The following BICD1 variants were observed in gnomAD, a reference collection of about 807,000 sequenced individuals.
BICD1 encodes BICD cargo adaptor 1, also known as protein bicaudal D homolog 1.
In BICD1, 35 loss-of-function variants were observed where a neutral mutation model predicts 92.5. The ratio of observed to expected loss-of-function variants is 0.38; its 90% confidence interval spans 0.29 to 0.50. The LOEUF (loss-of-function observed/expected upper bound fraction) is 0.50, where lower values mean the gene tolerates loss of function less well. Ranked by LOEUF, BICD1 falls within the 20% of genes least tolerant of loss-of-function variation. BICD1 has a pLI of 0.93. For synonymous variants in BICD1, 429 were observed against 465.1 expected (o/e 0.92, Z 1.00); for missense variants, 950 against 1,189.8 (o/e 0.80, Z 2.97).
chr12:32,140,566 C>T (rs1281599018), intron 1 of BICD1, among the ~76,000 whole-genome samples: 1 of 152,156 alleles, frequency 6.6e-6, no homozygotes, highest in Non-Finnish European at 1.5e-5. Flanking sequence ...AATGCAACCC[C>T]GCCTCCCGGG....
intron 8 of BICD1, among the ~76,000 whole-genome samples, chr12:32,355,589 G>T (rs1447304000): frequency 6.6e-6 from 1 of 152,052 alleles, no homozygotes; most frequent in Non-Finnish European, 1.5e-5. Flanking sequence ...ATTGCTTGAG[G>T]TCAGGAGTAT....
chr12:32,132,378 T>C (rs1942577333), intron 1 of BICD1, among the ~76,000 whole-genome samples: 2 of 146,416 alleles, frequency 1.4e-5, no homozygotes, highest in Admixed American at 7.0e-5. Context: ...ATTGTGCCAC[T>C]GCACTGCAGC....
Position 32,123,863 on chromosome 12 carries a change from CAA to C in BICD1, c.213+16320_213+16321del, listed in dbSNP as rs542990683. ...CTGCACTCCATCCTGGGCGACAGAG[CAA>C]GACTCCGTCTGAAAAGAAAAAAAAA... On this transcript the variant is annotated intron_variant, in intron 1 of 9. Transcript: ENST00000652176. 6.7e-5 allele frequency among the ~76,000 whole-genome samples: 10 copies of C among 149,320 alleles called. No individual in the cohort carries two copies. In the East Asian group the frequency reaches 2.0e-3, roughly 29 times the overall value.
intron 1 of BICD1, among the ~76,000 whole-genome samples, chr12:32,146,868 C>T (rs977364959): frequency 7.2e-6 from 1 of 138,246 alleles, no homozygotes; most frequent in East Asian, 2.3e-4. Context: ...CCTTCTCCTT[C>T]CTCTTCTTCT....
Position 32,321,127 on chromosome 12 carries a change from A to T in BICD1, c.1006-6334A>T, listed in dbSNP as rs1463748764. Among the ~76,000 whole-genome samples the T allele has an allele frequency of 2.0e-5, 3 of 152,108 alleles. No individual in the cohort carries two copies. In the East Asian group the frequency reaches 5.8e-4, roughly 29 times the overall value. On this transcript the variant is annotated intron_variant, in intron 4 of 9. Transcript: ENST00000652176. ...GATCACCTGAGGTCAGGGGTTTGAG[A>T]TGAGCCTGGTCAACATGGTGAAACC...
At chr12:32,339,869 C>G (rs1156433323) in intron 8 of BICD1, 1 of 957,536 alleles carries the variant, frequency 1.0e-6, no homozygotes, top group African/African-American at 1.8e-5. Context: ...ATCAGTATTT[C>G]TGGCCTCTTT....
intron 1 of BICD1, among the ~76,000 whole-genome samples, chr12:32,135,088 C>T (rs1398088139): frequency 5.0e-5 from 3 of 59,578 alleles, no homozygotes; most frequent in Non-Finnish European, 7.2e-5. Context: ...CGCTCCCCTC[C>T]TTTATTTTTT....
intron 1 of BICD1, chr12:32,107,775 C>T: frequency 1.4e-6 from 1 of 706,378 alleles, no homozygotes; most frequent in South Asian, 1.5e-5. Flanking sequence ...GGCTGTTTGG[C>T]CTGCGGGGGA....
At chr12:32,226,943 C>T (rs1377606148) in intron 2 of BICD1, among the ~76,000 whole-genome samples, 1 of 152,166 alleles carries the variant, frequency 6.6e-6, no homozygotes, top group Non-Finnish European at 1.5e-5. Context: ...TGGATGTTGG[C>T]CTCCCACAGC....
chr12:32,122,031 G>A (rs963877784), intron 1 of BICD1, among the ~76,000 whole-genome samples: 17 of 152,036 alleles, frequency 1.1e-4, no homozygotes, highest in Non-Finnish European at 2.1e-4. Flanking sequence ...GTGCAGGCTC[G>A]TCTCAAACTG....
In BICD1 at chr12:32,342,218, A is replaced by G. The variant is rs1272656177; in HGVS notation, c.2764+3239A>G. On this transcript the variant is annotated intron_variant, in intron 8 of 9. Transcript: ENST00000652176. ...TGTGTGTGTGTGTATATATATATAT[A>G]TATATATATATATATGTATAGTTTT... is the stretch of plus-strand genomic sequence containing the variant. 1.7e-3 allele frequency among the ~76,000 whole-genome samples: 230 copies of G among 137,672 alleles called. 2 individuals carry two copies. In the East Asian group the frequency reaches 0.022, roughly 13 times the overall value. 90.3% of individuals were successfully genotyped at this position (137,672 alleles called of 152,430 possible).
intron 1 of BICD1, among the ~76,000 whole-genome samples, chr12:32,165,527 A>G (rs1029453643): frequency 2.6e-5 from 4 of 151,676 alleles, no homozygotes; most frequent in Admixed American, 2.6e-4. Context: ...AAACAAAACA[A>G]AACAAAAATT....
intron 2 of BICD1, among the ~76,000 whole-genome samples, chr12:32,234,283 T>C (rs1352234327): frequency 6.6e-6 from 1 of 152,202 alleles, no homozygotes; most frequent in Non-Finnish European, 1.5e-5. Context: ...TATTTTTGGT[T>C]TCACTAAGAC....
intron 2 of BICD1, among the ~76,000 whole-genome samples, chr12:32,228,410 A>G (rs1006969623): frequency 6.6e-6 from 1 of 152,176 alleles, no homozygotes; most frequent in Non-Finnish European, 1.5e-5. Context: ...TCACCAATAC[A>G]CACTGTCATG....
At chr12:32,252,253 C>T (rs1300297361) in intron 2 of BICD1, among the ~76,000 whole-genome samples, 1 of 141,290 alleles carries the variant, frequency 7.1e-6, no homozygotes, top group African/African-American at 2.7e-5. Context: ...CTTTTTACTT[C>T]GTTTCACTTG....
intron 2 of BICD1, among the ~76,000 whole-genome samples, chr12:32,285,275 G>A (rs927386462): frequency 6.6e-6 from 1 of 152,066 alleles, no homozygotes; most frequent in African/African-American, 2.4e-5. Context: ...TAAATTATCT[G>A]TATGTCTAGC....
chr12:32,114,641 C>T (rs1941824443), intron 1 of BICD1, among the ~76,000 whole-genome samples: 1 of 152,060 alleles, frequency 6.6e-6, no homozygotes, highest in African/African-American at 2.4e-5. Context: ...GTTTTGGCCT[C>T]CCAAAGTGCT....
chr12:32,283,160 G>C (rs533835825), intron 2 of BICD1, among the ~76,000 whole-genome samples: 129 of 148,762 alleles, frequency 8.7e-4, no homozygotes, highest in Non-Finnish European at 1.5e-3. Context: ...GAGGAAGAGA[G>C]AGAAGTAAAT....
intron 3 of BICD1, among the ~76,000 whole-genome samples, chr12:32,303,276 GCA>G (rs763627496): frequency 6.6e-6 from 1 of 151,936 alleles, no homozygotes; most frequent in Non-Finnish European, 1.5e-5. Context: ...AGTGTGGTGA[GCA>G]CATTCTTTCA....
Sources: allele counts gnomAD v4.1 joint callset (sites outside exome capture counted in the v4.1 genomes callset), GRCh38; gene constraint gnomAD v4.1.1; transcripts MANE v1.5; gene names NCBI Gene and HGNC (gene_info 2026-07-23, HGNC 2026-07-21).